Variants in ELF4 observed in about 807,000 individuals in gnomAD.
The protein encoded by ELF4 is ETS-related transcription factor Elf-4.
ELF4 carries 10 observed loss-of-function variants against 31.7 expected under a neutral mutation model. The observed-to-expected ratio is 0.32, with a 90% CI of 0.19 to 0.54. The LOEUF (loss-of-function observed/expected upper bound fraction) is 0.54, where lower values mean the gene tolerates loss of function less well. Among genes scored for constraint, ELF4 ranks in the 20% least tolerant of loss-of-function variants. The pLI is 0.95. For missense variants in ELF4, 418 were observed against 522.0 expected (o/e 0.80, Z 1.94); for synonymous variants, 208 against 226.7 (o/e 0.92, Z 0.74).
At chrX:130,073,791 C>T (rs1435128551) in intron 4 of ELF4, among the ~76,000 whole-genome samples, 3 of 112,692 alleles carry the variant, frequency 2.7e-5, no homozygotes, top group African/African-American at 9.7e-5. Flanking sequence ...GGATTACAGG[C>T]GTGAGCCACC....
At chrX:130,091,954 G>GT (rs1342696203) in intron 1 of ELF4, among the ~76,000 whole-genome samples, 1 of 111,965 alleles carries the variant, frequency 8.9e-6, no homozygotes, top group Non-Finnish European at 1.9e-5. Flanking sequence ...CCCAGCTGTG[G>GT]TTTTCCGCTG....
chrX:130,085,477 A>C lies in ELF4; in HGVS notation c.-209-3938T>G, dbSNP rs964952747. On this transcript the variant is annotated intron_variant, in intron 1 of 8. Transcript: ENST00000308167. ...GGGCTGTCACTGAAACATACCAAGC[A>C]GTGTCCAGCAACCACTCATCTGGGC... 9.8e-5 allele frequency among the ~76,000 whole-genome samples: 11 copies of C among 112,036 alleles called. No individual in the cohort carries two copies. In the East Asian group the frequency reaches 2.8e-3, roughly 29 times the overall value.
chrX:130,089,509 CAAAAAAAAAAAAAAA>C (rs777456574), intron 1 of ELF4, among the ~76,000 whole-genome samples: 1 of 19,459 alleles, frequency 5.1e-5, no homozygotes, highest in Non-Finnish European at 7.5e-5. Context: ...GACCTCAGCT[CAAAAAAAAAAAAAAA>C]AAAAAAAAAA....
intron 2 of ELF4, among the ~76,000 whole-genome samples, chrX:130,078,835 G>A (rs1932861050): frequency 1.8e-5 from 2 of 108,294 alleles, no homozygotes; most frequent in South Asian, 8.2e-4. Flanking sequence ...GCATGTGCCT[G>A]TTGCCCCAGC....
chrX:130,070,928 C>T (rs965396555), intron 7 of ELF4, 112 bp downstream of exon 7: 6 of 1,063,969 alleles, frequency 5.6e-6, no homozygotes, highest in East Asian at 6.0e-5. Flanking sequence ...TTACGAGACT[C>T]GTTTCCTTAG....
At chrX:130,070,561 C>T (rs1423875937) in intron 7 of ELF4, among the ~76,000 whole-genome samples, 2 of 105,510 alleles carry the variant, frequency 1.9e-5, no homozygotes, top group African/African-American at 7.0e-5. Context: ...GGTGACAGAG[C>T]AAGACTCCGT....
intron 1 of ELF4, among the ~76,000 whole-genome samples, chrX:130,084,020 A>G (rs1006690926): frequency 8.9e-6 from 1 of 111,888 alleles, no homozygotes; most frequent in Non-Finnish European, 1.9e-5. Flanking sequence ...TGACCTCTGT[A>G]TGTTTTTGCA....
rs190191801 is a variant in ELF4 at position 130,077,937 on chromosome X, G to T, written c.76-3185C>A. ...TTAATACATGTCTACATCTAAATAT[G>T]ATTTATGCACCCTTTTGCATGTATT... On this transcript the variant is annotated intron_variant, in intron 2 of 8. Transcript: ENST00000308167. Among the ~76,000 whole-genome samples, 171 of 111,869 alleles carry T rather than the reference G, an allele frequency of 1.5e-3. 2 individuals carry two copies. Among genetic ancestry groups the T allele is most frequent in the African/African-American group, 5.1e-3 (156 of 30,832 alleles).
chrX:130,085,064 C>G (rs1017805395), intron 1 of ELF4, among the ~76,000 whole-genome samples: 1 of 111,985 alleles, frequency 8.9e-6, no homozygotes, highest in Non-Finnish European at 1.9e-5. Flanking sequence ...AATTGAGGAG[C>G]CTGTGAACCC....
At chrX:130,085,687 C>T (rs778405117) in intron 1 of ELF4, among the ~76,000 whole-genome samples, 133 of 112,096 alleles carry the variant, frequency 1.2e-3, no homozygotes, top group African/African-American at 4.0e-3. Context: ...AAGCACAATT[C>T]TCCTTCTCCG....
At chrX:130,077,212 AT>A (rs1010427265) in intron 2 of ELF4, among the ~76,000 whole-genome samples, 2 of 111,939 alleles carry the variant, frequency 1.8e-5, no homozygotes, top group African/African-American at 6.5e-5. Flanking sequence ...CACTAGCCAC[AT>A]TTCAAGTGCT....
intron 1 of ELF4, among the ~76,000 whole-genome samples, chrX:130,109,624 T>A (rs1933438195): frequency 9.1e-6 from 1 of 110,083 alleles, no homozygotes; most frequent in Middle Eastern, 4.4e-3. Context: ...GGAGTCAGGG[T>A]TAGGGTGCGG....
At chrX:130,096,280 T>A (rs1933148932) in intron 1 of ELF4, among the ~76,000 whole-genome samples, 2 of 111,303 alleles carry the variant, frequency 1.8e-5, no homozygotes, top group Non-Finnish European at 1.9e-5. Flanking sequence ...CCTCCCGGGT[T>A]CAAGTTATTC....
At position 130,083,824 on chromosome X, in the gene ELF4, ATGGATGGC is replaced by A. The variant is rs1420112104; in HGVS notation, c.-209-2293_-209-2286del. Among the ~76,000 whole-genome samples the A allele has an allele frequency of 4.3e-3, 442 of 101,669 alleles. 4 individuals are homozygous for A. Among genetic ancestry groups the A allele is most frequent in the Non-Finnish European group, 7.4e-3 (368 of 49,770 alleles). The allele number at this position is 101,669 out of a possible 115,157, so 88.3% of individuals were successfully genotyped here. On this transcript the variant is annotated intron_variant, in intron 1 of 8. Coordinates refer to ENST00000308167, the MANE Select transcript of ELF4 (RefSeq NM_001421.4). ...GATGGGTGGGTGGGTGGATGGCTGG[ATGGATGGC>A]TGGATGGATGGATGGATGGATGGAT...
At chrX:130,091,197 C>T (rs1376682068) in intron 1 of ELF4, among the ~76,000 whole-genome samples, 6 of 111,253 alleles carry the variant, frequency 5.4e-5, no homozygotes, top group African/African-American at 2.0e-4. Flanking sequence ...GAGGCCGAGG[C>T]GGGTGGATTA....
intron 5 of ELF4, 29 bp downstream of exon 5, chrX:130,072,197 C>CA: frequency 8.6e-7 from 1 of 1,161,237 alleles, no homozygotes; most frequent in Non-Finnish European, 1.2e-6. Context: ...CCCTCGGAGA[C>CA]ACACATACAC....
intron 1 of ELF4, among the ~76,000 whole-genome samples, chrX:130,097,249 C>G (rs1374238063): frequency 4.6e-5 from 5 of 108,864 alleles, no homozygotes; most frequent in African/African-American, 1.7e-4. Flanking sequence ...ACCAGCCTGA[C>G]CAACATGGAG....
chrX:130,104,277 T>TACAC (rs61193112), intron 1 of ELF4, among the ~76,000 whole-genome samples: 13,308 of 86,211 alleles, frequency 0.15, 981 homozygotes, highest in Non-Finnish European at 0.19. Flanking sequence ...TTCAGTATAT[T>TACAC]ACACACACAC....
Position 130,082,820 on chromosome X carries a change from A to G in ELF4, c.-209-1281T>C, listed in dbSNP as rs770772132. 1.2e-4 allele frequency among the ~76,000 whole-genome samples: 13 copies of G among 110,985 alleles called. No individual in the cohort carries two copies. In the East Asian group the frequency reaches 3.7e-3, roughly 31 times the overall value. On this transcript the variant is annotated intron_variant, in intron 1 of 8. Transcript: ENST00000308167. ...CTTTGGTCCCCTGGGCTCGGTTCTG[A>G]GTGTGTGGATGTGCGTGTGGGTGTG... is the stretch of plus-strand genomic sequence containing the variant.
Sources: gnomAD v4.1 joint callset for allele counts (sites outside exome capture counted in the v4.1 genomes callset) on GRCh38, gnomAD v4.1.1 for gene constraint, MANE v1.5 for transcripts, NCBI Gene and HGNC (gene_info 2026-07-23, HGNC 2026-07-21) for gene names.